PTPRN2: variants seen among roughly 807,000 people sequenced by gnomAD.
PTPRN2 encodes the protein receptor-type tyrosine-protein phosphatase N2.
In PTPRN2, 74 loss-of-function variants were observed where a neutral mutation model predicts 118.8. The ratio of observed to expected loss-of-function variants is 0.62; its 90% confidence interval spans 0.52 to 0.76. PTPRN2 has a LOEUF of 0.76. Among genes scored for constraint, PTPRN2 ranks in the 30% least tolerant of loss-of-function variants. The probability of loss-of-function intolerance (pLI) is 0.00; values close to 1 mark genes in which losing one functional copy is unlikely to be tolerated. For missense variants in PTPRN2, 1,481 were observed against 1,394.4 expected, an observed-to-expected ratio of 1.06 and a Z score of -0.99; for synonymous variants, 641 against 608.0, an observed-to-expected ratio of 1.05 and a Z score of -0.80.
At chr7:158,459,523 A>T (rs568814106) in intron 2 of PTPRN2, among the ~76,000 whole-genome samples, 2 of 152,144 alleles carry the variant, frequency 1.3e-5, no homozygotes, top group South Asian at 4.2e-4. Flanking sequence ...TGAGCCGCAA[A>T]CCCATGCACG....
chr7:158,145,821 C>T (rs1364259884), intron 6 of PTPRN2, among the ~76,000 whole-genome samples: 1 of 152,172 alleles, frequency 6.6e-6, no homozygotes, highest in Non-Finnish European at 1.5e-5. Flanking sequence ...CTGCCCTGCC[C>T]TGGGGGATGC....
In PTPRN2 at chr7:158,022,510, G is replaced by A. The variant is rs939155360; in HGVS notation, c.1723+58788C>T. On this transcript the variant is annotated intron_variant, in intron 11 of 22. Coordinates refer to ENST00000389418, the MANE Select transcript of PTPRN2 (RefSeq NM_002847.5). This position sits in a 1 kb window ranked among gnomAD's most constrained non-coding sequence, Gnocchi z 4.6. ...GTTCATAGCCAAGGCCCCGGCACCC[G>A]GGCACTCTGTCTGGGGCAGCCCGTA... is the stretch of plus-strand genomic sequence containing the variant. Among the ~76,000 whole-genome samples, 7 of 151,040 alleles carry A rather than the reference G, an allele frequency of 4.6e-5. No individual in the cohort carries two copies. Among genetic ancestry groups the A allele is most frequent in the African/African-American group, 1.5e-4 (6 of 41,070 alleles).
At chr7:158,066,401 C>T (rs918833666) in intron 11 of PTPRN2, among the ~76,000 whole-genome samples, 42 of 152,206 alleles carry the variant, frequency 2.8e-4, no homozygotes, top group African/African-American at 9.6e-4. Context: ...GCATGGCTAC[C>T]CCAGGCTCTC....
At position 157,902,686 on chromosome 7, in the gene PTPRN2, T is replaced by C. The variant is rs74581938; in HGVS notation, c.1724-3949A>G. Among the ~76,000 whole-genome samples the C allele has an allele frequency of 1.0e-3, 154 of 152,302 alleles. 2 individuals are homozygous for C. The East Asian group carries it at 0.027, about 27-fold the overall frequency. ...CGCGCGTCAGGATTCTTTAACCCAT[T>C]GATCACTAAAACTCCTTTTAGATGC... is the stretch of plus-strand genomic sequence containing the variant. On this transcript the variant is annotated intron_variant, in intron 11 of 22. Coordinates refer to ENST00000389418, the MANE Select transcript of PTPRN2 (RefSeq NM_002847.5).
intron 3 of PTPRN2, among the ~76,000 whole-genome samples, chr7:158,206,379 C>A (rs974150622): frequency 2.6e-5 from 4 of 152,042 alleles, no homozygotes; most frequent in African/African-American, 9.7e-5. Flanking sequence ...TGAAAGGATT[C>A]ATCATCTCCT....
At chr7:158,032,677 T>C (rs531256550) in intron 11 of PTPRN2, among the ~76,000 whole-genome samples, 4 of 152,106 alleles carry the variant, frequency 2.6e-5, no homozygotes, top group African/African-American at 9.6e-5. Flanking sequence ...GCAGAGATTC[T>C]AAAATGGCTT....
rs1797396939 is a variant in PTPRN2, at chr7:157,690,037, C to CA, written c.1789-7101dup. Among the ~76,000 whole-genome samples, 1 of 152,254 alleles carries CA rather than the reference C, an allele frequency of 6.6e-6. No homozygotes were observed. Among genetic ancestry groups the CA allele is most frequent in the African/African-American group, 2.4e-5 (1 of 41,476 alleles). ...TCCCATCTCCGTGCCTGCACCCCCC[C>CA]ACCCCCAGCACCCTGCAATGGTCGG... On this transcript the variant is annotated intron_variant, in intron 12 of 22. Transcript: ENST00000389418. This position sits in a 1 kb window ranked among gnomAD's most constrained non-coding sequence, Gnocchi z 7.1.
chr7:158,407,172 C>G (rs373425609), intron 2 of PTPRN2, among the ~76,000 whole-genome samples: 1,450 of 44,478 alleles, frequency 0.033, 32 homozygotes, highest in East Asian at 0.055. Flanking sequence ...CTGGGTCCTG[C>G]GTCCTGCGTC....
chr7:158,248,745 C>T (rs188080516), intron 3 of PTPRN2, among the ~76,000 whole-genome samples: 758 of 66,314 alleles, frequency 0.011, 4 homozygotes, highest in African/African-American at 0.037. Flanking sequence ...CCCCTACACA[C>T]GCACACACAT....
At chr7:158,177,125 G>A (rs1239658070) in intron 5 of PTPRN2, among the ~76,000 whole-genome samples, 1 of 152,186 alleles carries the variant, frequency 6.6e-6, no homozygotes, top group Non-Finnish European at 1.5e-5. Flanking sequence ...ATCCAGAGGG[G>A]AACTGCTGAG....
rs1030451025 is a variant in PTPRN2 at position 157,746,690 on chromosome 7, C to T, written c.1789-63753G>A. ...CACGGGGCCCTGAGTATGGAGATCA[C>T]GGGACTGCCCTGCACCCACAGTCCT... is the stretch of plus-strand genomic sequence containing the variant. On this transcript the variant is annotated intron_variant, in intron 12 of 22. Coordinates refer to ENST00000389418, the MANE Select transcript of PTPRN2 (RefSeq NM_002847.5). Among the ~76,000 whole-genome samples the T allele has an allele frequency of 4.6e-5, 7 of 152,280 alleles. No individual in the cohort carries two copies. In the South Asian group the frequency reaches 1.4e-3, roughly 32 times the overall value.
intron 2 of PTPRN2, among the ~76,000 whole-genome samples, chr7:158,329,717 C>G (rs76297156): frequency 6.6e-6 from 1 of 152,102 alleles, no homozygotes; most frequent in Admixed American, 6.5e-5. Context: ...CCCATTGACG[C>G]CATGTGGAAA....
At chr7:158,095,685 G>A (rs757025961) in intron 10 of PTPRN2, among the ~76,000 whole-genome samples, 100 of 152,256 alleles carry the variant, frequency 6.6e-4, no homozygotes, top group Admixed American at 9.2e-4. Flanking sequence ...CACTGATGAC[G>A]CATGATTGAG....
chr7:157,793,140 A>C (rs1804628910), intron 12 of PTPRN2, among the ~76,000 whole-genome samples: 1 of 151,788 alleles, frequency 6.6e-6, no homozygotes, highest in Non-Finnish European at 1.5e-5. Flanking sequence ...TGGTCGGGAG[A>C]ATGAGGGCCT....
At chr7:157,562,819 C>T (rs539231489) in intron 21 of PTPRN2, among the ~76,000 whole-genome samples, 23 of 144,948 alleles carry the variant, frequency 1.6e-4, no homozygotes, top group African/African-American at 3.4e-4. Context: ...ATCAGGACCA[C>T]GTGCTCCACG....
In PTPRN2 at chr7:157,801,482, A is replaced by G. The variant is rs918997247; in HGVS notation, c.1788+97191T>C. 6.6e-5 allele frequency among the ~76,000 whole-genome samples: 10 copies of G among 152,108 alleles called. No homozygotes were observed. The highest frequency in any genetic ancestry group is 2.4e-4 in the African/African-American group (10 of 41,406). ...GAGAGCAGCTGCATGGATTTTTTTAATGTCAAATTCCATATGAAACAGCAC... is the reference window on the plus strand; with the variant it reads ...GAGAGCAGCTGCATGGATTTTTTTAGTGTCAAATTCCATATGAAACAGCAC... On this transcript the variant is annotated intron_variant, in intron 12 of 22. Coordinates refer to ENST00000389418, the MANE Select transcript of PTPRN2 (RefSeq NM_002847.5). This position sits in a 1 kb window ranked among gnomAD's most constrained non-coding sequence, Gnocchi z 4.2.
chr7:158,292,591 A>C (rs1800192460), intron 3 of PTPRN2, among the ~76,000 whole-genome samples: 1 of 152,182 alleles, frequency 6.6e-6, no homozygotes, highest in Non-Finnish European at 1.5e-5. Flanking sequence ...TCACGGGTGC[A>C]CTTACGCACC....
At chr7:158,330,450 C>G (rs111812830) in intron 2 of PTPRN2, among the ~76,000 whole-genome samples, 2 of 101,624 alleles carry the variant, frequency 2.0e-5, no homozygotes, top group African/African-American at 6.8e-5. Context: ...GAGCTGACAC[C>G]CGCAGACGTC....
At chr7:157,750,591 G>A (rs186957144) in intron 12 of PTPRN2, among the ~76,000 whole-genome samples, 46 of 152,368 alleles carry the variant, frequency 3.0e-4, no homozygotes, top group Middle Eastern at 3.4e-3. Flanking sequence ...AGGCTGGCCC[G>A]AGGATGGCAG....
Sources: allele counts gnomAD v4.1 joint callset (sites outside exome capture counted in the v4.1 genomes callset), GRCh38; gene constraint gnomAD v4.1.1; non-coding constraint Gnocchi (gnomAD v3.1); transcripts MANE v1.5; gene names NCBI Gene and HGNC (gene_info 2026-07-23, HGNC 2026-07-21).